FBXL15: variants seen among roughly 807,000 people sequenced by gnomAD.
FBXL15 encodes the protein F-box/LRR-repeat protein 15.
In FBXL15, 19 loss-of-function variants were observed where a neutral mutation model predicts 23.6. The observed-to-expected ratio is 0.81, with a 90% CI of 0.56 to 1.18. The LOEUF (loss-of-function observed/expected upper bound fraction) is 1.18, where lower values mean the gene tolerates loss of function less well. Among genes scored for constraint, FBXL15 ranks in the 50% most tolerant of loss-of-function variants. The probability of loss-of-function intolerance (pLI) is 0.00; values close to 1 mark genes in which losing one functional copy is unlikely to be tolerated. For synonymous variants in FBXL15, 224 were observed against 207.7 expected (o/e 1.08, Z -0.67); for missense variants, 385 against 425.4 (o/e 0.91, Z 0.83).
Position 102,422,298 on chromosome 10 carries a change from TG to T in FBXL15, c.713+9del. 1 of 1,495,698 alleles carries T rather than the reference TG, an allele frequency of 6.7e-7. No individual in the cohort carries two copies. The highest frequency in any genetic ancestry group is 8.9e-7 in the Non-Finnish European group (1 of 1,123,498). 92.7% of individuals were successfully genotyped at this position (1,495,698 alleles called of 1,614,324 possible). A position where few individuals can be genotyped will look rare whatever the true frequency, so the allele number is the denominator to read the frequency against. On this transcript the variant is annotated splice_region_variant and intron_variant, in intron 3 of 3. Transcript: ENST00000369956. ...GTCGGAAGCGACGGTGTCAGGTGCCTGGGCCTGATAGGGCGGGAGGAGGGCA... is the reference window on the plus strand; with the variant it reads ...GTCGGAAGCGACGGTGTCAGGTGCCTGGCCTGATAGGGCGGGAGGAGGGCA...
intron 3 of FBXL15, 150 bp from the exon 4 acceptor site, chr10:102,422,654 G>A: frequency 2.4e-6 from 2 of 843,252 alleles, no homozygotes; most frequent in East Asian, 2.7e-5. Context: ...CCTTGTGTAG[G>A]GACGGAAAAA....
rs1476940652 is a variant in FBXL15 at position 102,422,351 on chromosome 10, C to T, written c.713+59C>T. ...TCACTTAGCCTCTGCTGGTATGGGG[C>T]GGGCTGTAGTTGTTAAAAGGCCGGA... On this transcript the variant is annotated intron_variant, in intron 3 of 3. Coordinates refer to ENST00000369956, the MANE Select transcript of FBXL15 (RefSeq NM_024326.4). 4.2e-6 allele frequency: 6 copies of T among 1,441,818 alleles called. No homozygotes were observed. In the Admixed American group the frequency reaches 1.1e-4, roughly 27 times the overall value. 89.3% of individuals were successfully genotyped at this position (1,441,818 alleles called of 1,614,324 possible).
In FBXL15 at chr10:102,421,545, C is replaced by T. The variant is rs1401728880; in HGVS notation, c.207+38C>T. 6.2e-6 allele frequency: 9 copies of T among 1,445,106 alleles called. No homozygotes were observed. The African/African-American group carries it at 1.3e-4, about 21-fold the overall frequency. 89.5% of individuals were successfully genotyped at this position (1,445,106 alleles called of 1,614,324 possible). ...CTGAAGCCCCGCCCCTGCCTGGGTACCGCCCCGCCTCTAGCCCAGCCCCCA... is the reference window on the plus strand; with the variant it reads ...CTGAAGCCCCGCCCCTGCCTGGGTATCGCCCCGCCTCTAGCCCAGCCCCCA... On this transcript the variant is annotated intron_variant, in intron 2 of 3. Coordinates refer to ENST00000369956, the MANE Select transcript of FBXL15 (RefSeq NM_024326.4).
chr10:102,423,033 G>A lies in FBXL15; in HGVS notation c.*40G>A. ...GGAGCACAGCTGGACTGTGTGGCTG[G>A]GGCCTGACACTGAGCTGTAGGGAAA... On this transcript the variant is annotated 3_prime_UTR_variant, in exon 4 of 4. Transcript: ENST00000369956. This position sits in a 1 kb window ranked among gnomAD's most constrained non-coding sequence, Gnocchi z 5.6. The A allele has an allele frequency of 6.7e-7, 1 of 1,496,012 alleles. No individual in the cohort carries two copies. 92.7% of individuals were successfully genotyped at this position (1,496,012 alleles called of 1,614,324 possible).
Position 102,422,962 on chromosome 10 carries a change from G to A in FBXL15, c.872G>A (p.Gly291Asp). 6.3e-7 allele frequency: 1 copy of A among 1,580,604 alleles called. No individual in the cohort carries two copies. The highest frequency in any genetic ancestry group is 8.6e-7 in the Non-Finnish European group (1 of 1,163,316). Residue 291 changes from glycine (G) to aspartate (D), a missense_variant, in exon 4 of 4, where the codon GGC becomes GAC. By Grantham distance (94) the Gly-to-Asp change is moderately conservative. This residue lies in a region of FBXL15 where 255 missense variants were observed against 330.2 expected (regional missense o/e 0.77). Transcript: ENST00000369956. ...QALVLLQDMA[G>D]FAPFVNLQV The stretch of plus-strand genomic sequence containing the variant: ...CTGGTGCTGCTGCAGGATATGGCGG[G>A]CTTCGCACCTTTTGTCAACCTGCAG...
Position 102,422,807 on chromosome 10 carries a change from A to T in FBXL15, c.717A>T (p.Thr239=). ...CCTCACCCTGCTCCTCCCTCAGGAC[A>T]TTGGCCGAGTACTGCCCCGTGCTGC... ...CLRVGSDGVR[T]LAEYCPVLRS... is the part of the protein sequence containing the mutation. Residue 239 remains threonine, a synonymous_variant, in exon 4 of 4, where the codon ACA becomes ACT. Coordinates refer to ENST00000369956, the MANE Select transcript of FBXL15 (RefSeq NM_024326.4). 1 of 1,603,242 alleles carries T rather than the reference A, an allele frequency of 6.2e-7. No individual in the cohort carries two copies. Among genetic ancestry groups the T allele is most frequent in the Non-Finnish European group, 8.5e-7 (1 of 1,179,498 alleles).
At position 102,420,896 on chromosome 10, in the gene FBXL15, T is replaced by C. The variant is rs2061550307; in HGVS notation, c.-234T>C. ...AAGCCAGTCTCTGATGCCCACCGCATTCTCCAGCTTCAGGCCTCAAGCCCT... is the reference window on the plus strand; with the variant it reads ...AAGCCAGTCTCTGATGCCCACCGCACTCTCCAGCTTCAGGCCTCAAGCCCT... On this transcript the variant is annotated 5_prime_UTR_variant, in exon 1 of 4. Coordinates refer to ENST00000369956, the MANE Select transcript of FBXL15 (RefSeq NM_024326.4). The C allele has an allele frequency of 2.8e-6, 4 of 1,406,994 alleles. No homozygotes were observed. The highest frequency in any genetic ancestry group is 3.7e-6 in the Non-Finnish European group (4 of 1,079,718). The allele number at this position is 1,406,994 out of a possible 1,614,324, so 87.2% of individuals were successfully genotyped here.
rs1589902236 is a variant in FBXL15, at chr10:102,421,122, G to C, written c.-8G>C. ...AAAATCTTACTGCGCACGCGCAATA[G>C]ACAGCCGATGGAGCCACCGATGGAG... On this transcript the variant is annotated 5_prime_UTR_variant, in exon 1 of 4. Coordinates refer to ENST00000369956, the MANE Select transcript of FBXL15 (RefSeq NM_024326.4). 6.2e-7 allele frequency: 1 copy of C among 1,607,572 alleles called. No homozygotes were observed.
At position 102,422,206 on chromosome 10, in the gene FBXL15, C is replaced by G. The variant is rs1305341088; in HGVS notation, c.627C>G (p.Ala209=). ...SLAVNANVGD[A]AVQELARNCP... ...CCGTCAACGCCAACGTGGGGGACGC[C>G]GCGGTTCAAGAGTTGGCTCGGAACT... Residue 209 remains alanine, a synonymous_variant, in exon 3 of 4, where the codon GCC becomes GCG. Transcript: ENST00000369956. 6.5e-7 allele frequency: 1 copy of G among 1,533,052 alleles called. No homozygotes were observed. The highest frequency in any genetic ancestry group is 8.8e-7 in the Non-Finnish European group (1 of 1,139,224). 95.0% of individuals were successfully genotyped at this position (1,533,052 alleles called of 1,614,324 possible). A position where few individuals can be genotyped will look rare whatever the true frequency, so the allele number is the denominator to read the frequency against.
At position 102,422,169 on chromosome 10, in the gene FBXL15, G is replaced by T; in HGVS notation, c.590G>T (p.Ser197Ile). 1 of 1,546,238 alleles carries T rather than the reference G, an allele frequency of 6.5e-7. No individual in the cohort carries two copies. ...LAQRRGAGLR[S>I]LSLAVNANVG... ...CAGAGGCGCGGCGCTGGTCTCCGCA[G>T]CCTCTCTCTGGCCGTCAACGCCAAC... The change falls in exon 3 of 4, where the codon AGC becomes ATC. Residue 197 changes from serine to isoleucine, a missense_variant. Coordinates refer to ENST00000369956, the MANE Select transcript of FBXL15 (RefSeq NM_024326.4).
Position 102,423,093 on chromosome 10 carries a change from C to A in FBXL15, c.*100C>A. 1 of 1,214,480 alleles carries A rather than the reference C, an allele frequency of 8.2e-7. No individual in the cohort carries two copies. Among genetic ancestry groups the A allele is most frequent in the Non-Finnish European group, 1.1e-6 (1 of 882,236 alleles). 75.2% of individuals were successfully genotyped at this position (1,214,480 alleles called of 1,614,324 possible). A position where few individuals can be genotyped will look rare whatever the true frequency, so the allele number is the denominator to read the frequency against. Reference sequence around the variant, plus strand: ...GAGGACCTCTGGTGAGAGGCCAGTGCCCTGCCCCACCCTGGAGCTTCAAAT... The same window carrying A: ...GAGGACCTCTGGTGAGAGGCCAGTGACCTGCCCCACCCTGGAGCTTCAAAT... On this transcript the variant is annotated 3_prime_UTR_variant, in exon 4 of 4. Transcript: ENST00000369956. The surrounding 1 kb of genome is among the most constrained non-coding windows in gnomAD (Gnocchi z 5.6).
intron 3 of FBXL15, 91 bp downstream of exon 3, chr10:102,422,383 G>A: frequency 8.8e-6 from 12 of 1,370,502 alleles, no homozygotes; most frequent in Admixed American, 3.3e-5. Flanking sequence ...CGGACTGAGG[G>A]TTCTGAATCT....
chr10:102,421,461 TG>T lies in FBXL15; in HGVS notation c.163del (p.Val55CysfsTer73). On this transcript the variant is annotated frameshift_variant, in exon 2 of 4. Coordinates refer to ENST00000369956, the MANE Select transcript of FBXL15 (RefSeq NM_024326.4). LOFTEE classifies it high-confidence loss of function. ...LQRVSRAFRS[L>X]VQLHLAGLRR... is the part of the protein sequence containing the mutation. ...CGCGTTAGCCGGGCCTTCCGGTCGC[TG>T]GTGCAGCTTCACCTGGCCGGGCTGC... The T allele has an allele frequency of 1.2e-5, 18 of 1,521,828 alleles. No homozygotes were observed. The highest frequency in any genetic ancestry group is 1.5e-5 in the Non-Finnish European group (17 of 1,137,702). 94.3% of individuals were successfully genotyped at this position (1,521,828 alleles called of 1,614,324 possible). A position where few individuals can be genotyped will look rare whatever the true frequency, so the allele number is the denominator to read the frequency against.
chr10:102,423,103 C>T lies in FBXL15; in HGVS notation c.*110C>T. On this transcript the variant is annotated 3_prime_UTR_variant, in exon 4 of 4. Coordinates refer to ENST00000369956, the MANE Select transcript of FBXL15 (RefSeq NM_024326.4). The surrounding 1 kb of genome is among the most constrained non-coding windows in gnomAD (Gnocchi z 5.6). Reference sequence around the variant, plus strand: ...GGTGAGAGGCCAGTGCCCTGCCCCACCCTGGAGCTTCAAATAAAGAGCTTT... The same window carrying T: ...GGTGAGAGGCCAGTGCCCTGCCCCATCCTGGAGCTTCAAATAAAGAGCTTT... 7 of 1,169,760 alleles carry T rather than the reference C, an allele frequency of 6.0e-6. No homozygotes were observed. Among genetic ancestry groups the T allele is most frequent in the Non-Finnish European group, 8.3e-6 (7 of 843,104 alleles). 72.5% of individuals were successfully genotyped at this position (1,169,760 alleles called of 1,614,324 possible).
rs60025237 is a variant in FBXL15, at chr10:102,422,808, T to C, written c.718T>C (p.Leu240=). Reference sequence around the variant, plus strand: ...CTCACCCTGCTCCTCCCTCAGGACATTGGCCGAGTACTGCCCCGTGCTGCG... The same window carrying C: ...CTCACCCTGCTCCTCCCTCAGGACACTGGCCGAGTACTGCCCCGTGCTGCG... The part of the protein sequence containing the change: ...LRVGSDGVRT[L]AEYCPVLRSL... Residue 240 remains leucine (L), a synonymous_variant, in exon 4 of 4, where the codon TTG becomes CTG. Coordinates refer to ENST00000369956, the MANE Select transcript of FBXL15 (RefSeq NM_024326.4). 4.2e-4 allele frequency: 680 copies of C among 1,603,450 alleles called. 7 individuals carry two copies. In the African/African-American group the frequency reaches 7.9e-3, roughly 19 times the overall value.
chr10:102,421,620 G>C, intron 2 of FBXL15, 113 bp downstream of exon 2: 2 of 1,423,370 alleles, frequency 1.4e-6, no homozygotes, highest in Non-Finnish European at 1.8e-6. Context: ...GGGCTGCCCG[G>C]AAGGGATCCA....
In FBXL15 at chr10:102,421,997, C is replaced by A; in HGVS notation, c.418C>A (p.Pro140Thr). Residue 140 changes from proline (P) to threonine (T), a missense_variant, in exon 3 of 4, where the codon CCA (proline) becomes ACA (threonine). By Grantham distance (38) the Pro-to-Thr change is conservative. Transcript: ENST00000369956. ...GCTTGGGGCTTTGGCCGAGGGCTGC[C>A]CACGCCTGCAGCGCCTGTCGCTCGC... ...RALGALAEGC[P>T]RLQRLSLAHC... 1 of 1,595,150 alleles carries A rather than the reference C, an allele frequency of 6.3e-7. No homozygotes were observed. The highest frequency in any genetic ancestry group is 2.2e-5 in the East Asian group (1 of 44,626).
chr10:102,422,753 C>A, intron 3 of FBXL15, 51 bp from the exon 4 acceptor site: 1 of 1,545,524 alleles, frequency 6.5e-7, no homozygotes, highest in Non-Finnish European at 8.7e-7. Context: ...CCTTACCCCA[C>A]CAAAGGTGTG....
At position 102,421,910 on chromosome 10, in the gene FBXL15, G is replaced by T; in HGVS notation, c.331G>T (p.Ala111Ser). 1 of 1,606,104 alleles carries T rather than the reference G, an allele frequency of 6.2e-7. No homozygotes were observed. The change falls in exon 3 of 4, where the codon GCG becomes TCG. Residue 111 changes from alanine (A) to serine (S), a missense_variant. Physicochemically the swap from Ala to Ser is moderately conservative, Grantham distance 99. This residue lies in a region of FBXL15 where 255 missense variants were observed against 330.2 expected (regional missense o/e 0.77). Transcript: ENST00000369956. ...AGACGAGGACCTGGTGCCGGTGCTG[G>T]CGCGGAATCCGCAGCTGCGGAGTGT... ...LSDEDLVPVL[A>S]RNPQLRSVAL... is the part of the protein sequence containing the mutation.
Sources: allele counts gnomAD v4.1 joint callset, GRCh38; gene constraint gnomAD v4.1.1; regional missense constraint gnomAD v4.1.1; non-coding constraint Gnocchi (gnomAD v3.1); transcripts MANE v1.5; gene names NCBI Gene and HGNC (gene_info 2026-07-23, HGNC 2026-07-21).